Variants in KSR2 observed in about 807,000 individuals in gnomAD.
The protein encoded by KSR2 is kinase suppressor of ras 2.
KSR2 carries 25 observed loss-of-function variants against 107.8 expected under a neutral mutation model. The observed-to-expected ratio is 0.23, with a 90% CI of 0.17 to 0.32. The LOEUF (loss-of-function observed/expected upper bound fraction) is 0.32, where lower values mean the gene tolerates loss of function less well. Ranked by LOEUF, KSR2 falls within the 10% of genes least tolerant of loss-of-function variation. The pLI is 1.00. For synonymous variants in KSR2, 480 were observed against 507.0 expected (o/e 0.95, Z 0.71); for missense variants, 887 against 1,268.9 (o/e 0.70, Z 4.57).
chr12:117,761,636 C>A, intron 3 of KSR2, 112 bp from the exon 4 acceptor site: 1 of 984,916 alleles, frequency 1.0e-6, no homozygotes, highest in Non-Finnish European at 1.6e-6. Context: ...CCCATTACAT[C>A]ATGTGCATGT....
intron 5 of KSR2, among the ~76,000 whole-genome samples, chr12:117,637,674 G>GGTTT (rs1883163439): frequency 2.7e-5 from 1 of 37,378 alleles, no homozygotes; most frequent in South Asian, 1.4e-3. Context: ...GTCAGTTTTG[G>GGTTT]GTTTTTTTTT....
intron 5 of KSR2, among the ~76,000 whole-genome samples, chr12:117,616,476 C>T (rs1216911099): frequency 6.6e-6 from 1 of 152,166 alleles, no homozygotes; most frequent in East Asian, 1.9e-4. Context: ...ATGTGAGGCA[C>T]CATCCAGATA....
At chr12:117,948,208 G>C (rs1896256675) in intron 1 of KSR2, among the ~76,000 whole-genome samples, 1 of 152,128 alleles carries the variant, frequency 6.6e-6, no homozygotes, top group Admixed American at 6.5e-5. Context: ...CAGTACTTTG[G>C]GAGGCTGATG....
At chr12:117,525,296 G>T in intron 13 of KSR2, 77 bp from the exon 14 acceptor site, 1 of 1,449,628 alleles carries the variant, frequency 6.9e-7, no homozygotes. Flanking sequence ...GCTGGGTCCC[G>T]TGCACATGCG....
At chr12:117,552,900 T>C (rs1877402321) in intron 9 of KSR2, among the ~76,000 whole-genome samples, 1 of 152,246 alleles carries the variant, frequency 6.6e-6, no homozygotes, top group Admixed American at 6.5e-5. Context: ...CCGTTATCTG[T>C]GTGAGTCTTC....
intron 5 of KSR2, among the ~76,000 whole-genome samples, chr12:117,606,044 T>A (rs1881210066): frequency 1.3e-5 from 2 of 152,108 alleles, no homozygotes. Flanking sequence ...TCTTAAGTGT[T>A]ACATCCCAGG....
chr12:117,715,329 C>A (rs1053781024), intron 4 of KSR2, among the ~76,000 whole-genome samples: 1 of 152,146 alleles, frequency 6.6e-6, no homozygotes, highest in African/African-American at 2.4e-5. Flanking sequence ...TCGCAGCCCC[C>A]ATGAAAATAA....
intron 3 of KSR2, among the ~76,000 whole-genome samples, chr12:117,786,895 G>A (rs1229223550): frequency 6.6e-6 from 1 of 152,126 alleles, no homozygotes; most frequent in Non-Finnish European, 1.5e-5. Context: ...CAGGCGTGGT[G>A]TTGCAAGCCT....
At chr12:117,915,591 A>G (rs530327860) in intron 1 of KSR2, among the ~76,000 whole-genome samples, 57 of 152,340 alleles carry the variant, frequency 3.7e-4, no homozygotes, top group African/African-American at 1.2e-3. Context: ...GGCCCCAGCC[A>G]TCAGGCTGAT....
intron 4 of KSR2, among the ~76,000 whole-genome samples, chr12:117,705,499 CT>C (rs552667741): frequency 7.9e-5 from 12 of 152,316 alleles, no homozygotes; most frequent in African/African-American, 2.9e-4. Context: ...CAAGGGACAC[CT>C]AGCAGAGGTC....
At position 117,761,422 on chromosome 12, in the gene KSR2, C is replaced by G. The variant is rs766252967; in HGVS notation, c.575G>C (p.Arg192Pro). The G allele has an allele frequency of 4.3e-6, 7 of 1,611,538 alleles. No individual in the cohort carries two copies. The Admixed American group carries it at 5.1e-5, about 12-fold the overall frequency. Residue 192 changes from arginine (R) to proline (P), a missense_variant, in exon 4 of 20, where the codon CGC becomes CCC. Physicochemically the swap from Arg to Pro is moderately radical, Grantham distance 103. Transcript: ENST00000339824. ...VCPPEPTPWI[R>P]THLSQSPRVP... Reference sequence around the variant, plus strand: ...CCTGGGGCTCTGGGAGAGATGGGTGCGGATCCACGGGGTGGGCTCCGGGGG... The same window carrying G: ...CCTGGGGCTCTGGGAGAGATGGGTGGGGATCCACGGGGTGGGCTCCGGGGG...
Position 117,463,113 on chromosome 12 carries a change from AAACG to A in KSR2, c.*4082_*4085del, listed in dbSNP as rs1870985737. ...TTTTGTTATTATGGCCCCCCTTAGC[AAACG>A]AAGAGTTTTAAAGTCCAGGGAGTTG... On this transcript the variant is annotated 3_prime_UTR_variant, in exon 20 of 20. Coordinates refer to ENST00000339824, the MANE Select transcript of KSR2 (RefSeq NM_173598.6). 6.6e-6 allele frequency: 1 copy of A among 152,252 alleles called. No individual in the cohort carries two copies. Among genetic ancestry groups the A allele is most frequent in the Non-Finnish European group, 1.5e-5 (1 of 68,056 alleles). The allele number at this position is 152,252 out of a possible 1,614,324, so 9.4% of individuals were successfully genotyped here.
At chr12:117,601,389 A>G (rs1460171040) in intron 5 of KSR2, among the ~76,000 whole-genome samples, 1 of 152,104 alleles carries the variant, frequency 6.6e-6, no homozygotes, top group Non-Finnish European at 1.5e-5. Flanking sequence ...ATTTGGAAAT[A>G]GGGTCTTTGC....
At chr12:117,929,152 A>G (rs1566086425) in intron 1 of KSR2, among the ~76,000 whole-genome samples, 1 of 152,204 alleles carries the variant, frequency 6.6e-6, no homozygotes, top group Non-Finnish European at 1.5e-5. Flanking sequence ...TAGAAACAGC[A>G]TTAATATTTG....
intron 14 of KSR2, among the ~76,000 whole-genome samples, chr12:117,486,208 C>T (rs1261012824): frequency 6.6e-6 from 1 of 152,198 alleles, no homozygotes; most frequent in African/African-American, 2.4e-5. Context: ...AGTAATACCA[C>T]CCCCAAACCA....
chr12:117,715,204 T>G (rs1565976121), intron 4 of KSR2, among the ~76,000 whole-genome samples: 1 of 152,212 alleles, frequency 6.6e-6, no homozygotes, highest in Non-Finnish European at 1.5e-5. Context: ...AATAAGAATC[T>G]GTGCTCCCTC....
intron 14 of KSR2, among the ~76,000 whole-genome samples, chr12:117,515,722 T>G (rs939737604): frequency 5.3e-5 from 8 of 152,102 alleles, no homozygotes; most frequent in Non-Finnish European, 1.0e-4. Context: ...GGTCAGGAGT[T>G]CAAGACAAGG....
intron 4 of KSR2, among the ~76,000 whole-genome samples, chr12:117,708,861 A>C (rs939493823): frequency 6.6e-6 from 1 of 152,202 alleles, no homozygotes; most frequent in South Asian, 2.1e-4. Flanking sequence ...TCACCACAAC[A>C]GTAAACGGCT....
intron 1 of KSR2, among the ~76,000 whole-genome samples, chr12:117,952,616 C>G (rs1215133634): frequency 6.6e-6 from 1 of 152,050 alleles, no homozygotes; most frequent in Non-Finnish European, 1.5e-5. Flanking sequence ...GCGGAGGCTA[C>G]AGTGAGGTGA....
Sources: allele counts gnomAD v4.1 joint callset (sites outside exome capture counted in the v4.1 genomes callset), GRCh38; gene constraint gnomAD v4.1.1; transcripts MANE v1.5; gene names NCBI Gene and HGNC (gene_info 2026-07-23, HGNC 2026-07-21).